Variants in GPR179 observed in about 807,000 individuals in gnomAD.
GPR179 encodes the protein probable G protein-coupled receptor 179.
A neutral mutation model predicts 70.8 loss-of-function variants in GPR179; 52 were observed. That is an observed-to-expected ratio of 0.73 (90% CI 0.59 to 0.93). The LOEUF (loss-of-function observed/expected upper bound fraction) is 0.93. GPR179 is among the 40% of genes least tolerant of loss of function. GPR179 has a pLI of 0.00. For synonymous variants in GPR179, 1,123 were observed against 1,169.0 expected (o/e 0.96, Z 0.80); for missense variants, 2,734 against 2,966.8 (o/e 0.92, Z 1.82).
chr17:38,343,426 T>C lies in GPR179; in HGVS notation c.364A>G (p.Ser122Gly), dbSNP rs745730100. The change falls in exon 1 of 11, where the codon AGT (serine) becomes GGT (glycine). Residue 122 changes from serine to glycine, a missense_variant. Ser to Gly is a moderately conservative substitution (Grantham distance 56). Coordinates refer to ENST00000616987, the MANE Select transcript of GPR179 (RefSeq NM_001004334.4). The surrounding 1 kb of genome is among the most constrained non-coding windows in gnomAD (Gnocchi z 4.2). Reference sequence around the variant, plus strand: ...TACCATTCCACATCCTCCTCCACACTGGACTCACGGATGTCGTTGGCTTGC... The same window carrying C: ...TACCATTCCACATCCTCCTCCACACCGGACTCACGGATGTCGTTGGCTTGC... ...LLQANDIRES[S>G]VEEDVEWYQA... 1 of 1,614,128 alleles carries C rather than the reference T, an allele frequency of 6.2e-7. No homozygotes were observed. The highest frequency in any genetic ancestry group is 1.1e-5 in the South Asian group (1 of 91,080).
At position 38,343,677 on chromosome 17, in the gene GPR179, A is replaced by T; in HGVS notation, c.113T>A (p.Leu38Gln). The change falls in exon 1 of 11, where the codon CTG (leucine) becomes CAG (glutamine). Residue 38 changes from leucine to glutamine, a missense_variant. Leu to Gln is a moderately radical substitution (Grantham distance 113, BLOSUM62 -2). Coordinates refer to ENST00000616987, the MANE Select transcript of GPR179 (RefSeq NM_001004334.4). The surrounding 1 kb of genome is among the most constrained non-coding windows in gnomAD (Gnocchi z 4.2). ...GPRPIRSLPP[L>Q]SSQVKPGSVP... ...AGATCCTGGCTTGACTTGGGAAGACAGAGGGGGCAGAGAGCGGATGGGCCG... is the reference window on the plus strand; with the variant it reads ...AGATCCTGGCTTGACTTGGGAAGACTGAGGGGGCAGAGAGCGGATGGGCCG... 2 of 1,610,666 alleles carry T rather than the reference A, an allele frequency of 1.2e-6. No homozygotes were observed. Among genetic ancestry groups the T allele is most frequent in the Non-Finnish European group, 1.7e-6 (2 of 1,177,738 alleles).
Position 38,337,004 on chromosome 17 carries a change from C to T in GPR179, c.1201G>A (p.Val401Ile). 1 of 1,605,132 alleles carries T rather than the reference C, an allele frequency of 6.2e-7. No individual in the cohort carries two copies. The change falls in exon 4 of 11, where the codon GTC (valine) becomes ATC (isoleucine). Residue 401 changes from valine to isoleucine, a missense_variant. Val to Ile is a conservative substitution (Grantham distance 29). Coordinates refer to ENST00000616987, the MANE Select transcript of GPR179 (RefSeq NM_001004334.4). ...CMLAIFLSML[V>I]SYRCRRNKRI... ...TTGTTCCGGCGGCAGCGGTAGGAGA[C>T]CAGCATGCTCAGGAAGATGGCCAGC... is the stretch of plus-strand genomic sequence containing the variant.
intron 1 of GPR179, 100 bp downstream of exon 1, chr17:38,342,896 C>A: frequency 8.6e-7 from 1 of 1,162,324 alleles, no homozygotes; most frequent in Non-Finnish European, 1.2e-6. Context: ...CCCAGGCATG[C>A]ACATGTTCGT....
chr17:38,327,390 T>C lies in GPR179; in HGVS notation c.6179A>G (p.Gln2060Arg). The change falls in exon 11 of 11, where the codon CAG becomes CGG. Residue 2060 changes from glutamine (Q) to arginine (R), a missense_variant. By Grantham distance (43) the Gln-to-Arg change is conservative. Transcript: ENST00000616987. ...EKSEPKGVPV[Q>R]KKPEMADFRQ... ...GAAGTCTGCCATCTCTGGCTTTTTC[T>C]GAACTGGCACACCTTTTGGCTCTGA... 6.2e-7 allele frequency: 1 copy of C among 1,614,244 alleles called. No homozygotes were observed. Among genetic ancestry groups the C allele is most frequent in the Non-Finnish European group, 8.5e-7 (1 of 1,180,052 alleles).
Position 38,333,433 on chromosome 17 carries a change from C to G in GPR179, c.1891-36G>C. On this transcript the variant is annotated intron_variant, in intron 9 of 10. Coordinates refer to ENST00000616987, the MANE Select transcript of GPR179 (RefSeq NM_001004334.4). ...TGCATAAGAGTGGGAAAAAGACTCGCCCTGGCTCCTTGTCCACTCCTGCAC... is the reference window on the plus strand; with the variant it reads ...TGCATAAGAGTGGGAAAAAGACTCGGCCTGGCTCCTTGTCCACTCCTGCAC... The G allele has an allele frequency of 5.0e-6, 8 of 1,599,012 alleles. 1 individual carries two copies. The South Asian group carries it at 9.0e-5, about 18-fold the overall frequency.
In GPR179 at chr17:38,325,994, G is replaced by A. The variant is rs770903797; in HGVS notation, c.*471C>T. The A allele has an allele frequency of 6.3e-6, 1 of 157,596 alleles. No homozygotes were observed. Among genetic ancestry groups the A allele is most frequent in the Non-Finnish European group, 1.4e-5 (1 of 72,058 alleles). 9.8% of individuals were successfully genotyped at this position (157,596 alleles called of 1,614,324 possible). On this transcript the variant is annotated 3_prime_UTR_variant, in exon 11 of 11. Coordinates refer to ENST00000616987, the MANE Select transcript of GPR179 (RefSeq NM_001004334.4). The stretch of plus-strand genomic sequence containing the variant: ...TCTATGGTGGCCTTTATAGCCTTCT[G>A]TGGTCCACCATCCCTACGTTGCCAA...
At chr17:38,337,766 T>C (rs1164566951) in intron 2 of GPR179, 46 bp from the exon 3 acceptor site, 2 of 1,532,624 alleles carry the variant, frequency 1.3e-6, no homozygotes, top group Non-Finnish European at 1.8e-6. Context: ...GGGCTTTCTC[T>C]GGAAGAGCTT....
chr17:38,331,582 C>A, intron 10 of GPR179, 51 bp from the exon 11 acceptor site: 1 of 1,543,906 alleles, frequency 6.5e-7, no homozygotes, highest in Non-Finnish European at 8.7e-7. Context: ...TCTCTCCATC[C>A]CCTGGCTGTC....
chr17:38,326,344 C>CAGAA lies in GPR179; in HGVS notation c.*120_*121insTTCT, dbSNP rs1376839276. On this transcript the variant is annotated 3_prime_UTR_variant, in exon 11 of 11. Transcript: ENST00000616987. The stretch of plus-strand genomic sequence containing the variant: ...TCTTTGGGATGGGTTGACTTCTGGT[C>CAGAA]TTCTCAAGGAGGGGAAGTGGCCAAG... 7 of 711,564 alleles carry CAGAA rather than the reference C, an allele frequency of 9.8e-6. No individual in the cohort carries two copies. Among genetic ancestry groups the CAGAA allele is most frequent in the Non-Finnish European group, 1.6e-5 (7 of 428,072 alleles). 44.1% of individuals were successfully genotyped at this position (711,564 alleles called of 1,614,324 possible).
rs370352192 is a variant in GPR179 at position 38,335,604 on chromosome 17, G to A, written c.1393C>T (p.Leu465Phe). Residue 465 changes from leucine (L) to phenylalanine (F), a missense_variant, in exon 6 of 11, where the codon CTC becomes TTC. Transcript: ENST00000616987. ...CCCAGGCCGTACCTGTAAAGCTTGA[G>A]TATGATGGTGCCGTAGACGATGGCA... is the stretch of plus-strand genomic sequence containing the variant. ...GFAIVYGTII[L>F]KLYRVLQLFL... 1 of 1,612,196 alleles carries A rather than the reference G, an allele frequency of 6.2e-7. No homozygotes were observed. The highest frequency in any genetic ancestry group is 8.5e-7 in the Non-Finnish European group (1 of 1,178,332).
chr17:38,334,988 G>A lies in GPR179; in HGVS notation c.1645+45C>T. On this transcript the variant is annotated intron_variant, in intron 7 of 10. Coordinates refer to ENST00000616987, the MANE Select transcript of GPR179 (RefSeq NM_001004334.4). This position sits in a 1 kb window ranked among gnomAD's most constrained non-coding sequence, Gnocchi z 4.7. The stretch of plus-strand genomic sequence containing the variant: ...GAACAAGAGGAACCCTGGAGGCACA[G>A]AGGCAGGGACCAGCGTAAGGCTGGG... 1 of 1,584,926 alleles carries A rather than the reference G, an allele frequency of 6.3e-7. No homozygotes were observed. The highest frequency in any genetic ancestry group is 8.6e-7 in the Non-Finnish European group (1 of 1,156,832).
In GPR179 at chr17:38,334,383, AG is replaced by A. The variant is rs1421706681; in HGVS notation, c.1784+320del. ...CTGCTGCTCTTATGGCTGAGGAGTG[AG>A]GGGAGAAGGCAGGGAGGACTGAGCA... On this transcript the variant is annotated intron_variant, in intron 8 of 10. Coordinates refer to ENST00000616987, the MANE Select transcript of GPR179 (RefSeq NM_001004334.4). The surrounding 1 kb of genome is among the most constrained non-coding windows in gnomAD (Gnocchi z 4.7). Among the ~76,000 whole-genome samples, 4 of 152,104 alleles carry A rather than the reference AG, an allele frequency of 2.6e-5. No individual in the cohort carries two copies. Among genetic ancestry groups the A allele is most frequent in the African/African-American group, 9.7e-5 (4 of 41,410 alleles).
rs2144257573 is a variant in GPR179 at position 38,328,512 on chromosome 17, G to A, written c.5057C>T (p.Ala1686Val). The change falls in exon 11 of 11, where the codon GCC becomes GTC. Residue 1686 changes from alanine to valine, a missense_variant. By Grantham distance (64) the Ala-to-Val change is moderately conservative. Coordinates refer to ENST00000616987, the MANE Select transcript of GPR179 (RefSeq NM_001004334.4). ...CTCCACATCCAAAGGGCAAATGTCGGCAGCTTTGCTTCCCACACTGCCTGA... is the reference window on the plus strand; with the variant it reads ...CTCCACATCCAAAGGGCAAATGTCGACAGCTTTGCTTCCCACACTGCCTGA... ...QMSGSVGSKA[A>V]DICPLDVEEN... The A allele has an allele frequency of 6.2e-7, 1 of 1,613,810 alleles. No homozygotes were observed. The highest frequency in any genetic ancestry group is 8.5e-7 in the Non-Finnish European group (1 of 1,179,956).
Position 38,329,659 on chromosome 17 carries a change from G to T in GPR179, c.3910C>A (p.Pro1304Thr), listed in dbSNP as rs200579422. 1 of 1,614,166 alleles carries T rather than the reference G, an allele frequency of 6.2e-7. No homozygotes were observed. The highest frequency in any genetic ancestry group is 1.3e-5 in the African/African-American group (1 of 75,058). The change falls in exon 11 of 11, where the codon CCC becomes ACC. Residue 1304 changes from proline (P) to threonine (T), a missense_variant. Coordinates refer to ENST00000616987, the MANE Select transcript of GPR179 (RefSeq NM_001004334.4). Reference sequence around the variant, plus strand: ...CTCTCTGGCTTTTTCCGCATCATGGGAACCACATCTATGGGCTCTGATTTT... The same window carrying T: ...CTCTCTGGCTTTTTCCGCATCATGGTAACCACATCTATGGGCTCTGATTTT... ...RGKSEPIDVV[P>T]MMRKKPERLV...
Position 38,327,691 on chromosome 17 carries a change from A to T in GPR179, c.5878T>A (p.Trp1960Arg). Residue 1960 changes from tryptophan (W) to arginine (R), a missense_variant, in exon 11 of 11, where the codon TGG becomes AGG. Trp to Arg is a moderately radical substitution (Grantham distance 101). Transcript: ENST00000616987. ...GAATCTGCTGGGGCAGTGGTCTCCC[A>T]TGGACAGACGGATTGTAGCTCATGG... ...TSHELQSVCP[W>R]ETTAPADSVS... 1.9e-6 allele frequency: 3 copies of T among 1,614,214 alleles called. No homozygotes were observed. The highest frequency in any genetic ancestry group is 2.5e-6 in the Non-Finnish European group (3 of 1,180,034).
At chr17:38,336,295 G>C (rs574442211) in intron 4 of GPR179, 151 bp from the exon 5 acceptor site, 1 of 667,120 alleles carries the variant, frequency 1.5e-6, no homozygotes, top group African/African-American at 1.8e-5. Context: ...CACGTCCCTT[G>C]TTACCCCAGG....
Position 38,334,594 on chromosome 17 carries a change from G to A in GPR179, c.1784+110C>T. The A allele has an allele frequency of 8.2e-7, 1 of 1,223,558 alleles. No individual in the cohort carries two copies. The allele number at this position is 1,223,558 out of a possible 1,614,324, so 75.8% of individuals were successfully genotyped here. The stretch of plus-strand genomic sequence containing the variant: ...AAGTGGGGGCCTTCGTCAACGTGCT[G>A]AGGCGTAGCAGTGTTGCCAGGATGG... On this transcript the variant is annotated intron_variant, in intron 8 of 10. Transcript: ENST00000616987. The surrounding 1 kb of genome is among the most constrained non-coding windows in gnomAD (Gnocchi z 4.7).
rs906280447 is a variant in GPR179, at chr17:38,325,390, G to C, written c.*1075C>G. Reference sequence around the variant, plus strand: ...TAGAGTGCTGGCTGTGTACAGGACTGCCTTTCTTGAGCTCCTCTGGAAGGA... The same window carrying C: ...TAGAGTGCTGGCTGTGTACAGGACTCCCTTTCTTGAGCTCCTCTGGAAGGA... On this transcript the variant is annotated 3_prime_UTR_variant, in exon 11 of 11. Transcript: ENST00000616987. 4.1e-5 allele frequency: 6 copies of C among 145,166 alleles called. No individual in the cohort carries two copies. The highest frequency in any genetic ancestry group is 1.5e-4 in the African/African-American group (6 of 39,200). The allele number at this position is 145,166 out of a possible 1,614,324, so 9.0% of individuals were successfully genotyped here. A position where few individuals can be genotyped will look rare whatever the true frequency, so the allele number is the denominator to read the frequency against.
rs778804552 is a variant in GPR179 at position 38,335,676 on chromosome 17, T to G, written c.1321A>C (p.Ser441Arg). Reference protein sequence around the residue: ...FPVFILYFKPSVFRCIALRWV... With the variant: ...FPVFILYFKPRVFRCIALRWV... The stretch of plus-strand genomic sequence containing the variant: ...CGAAGAGCGATGCAGCGGAATACAC[T>G]GGGCTTGAAGTATAGGATGAAGACC... The change falls in exon 6 of 11, where the codon AGT (serine) becomes CGT (arginine). Residue 441 changes from serine (S) to arginine (R), a missense_variant. Physicochemically the swap from Ser to Arg is moderately radical, Grantham distance 110. Coordinates refer to ENST00000616987, the MANE Select transcript of GPR179 (RefSeq NM_001004334.4). The G allele has an allele frequency of 8.1e-6, 13 of 1,613,858 alleles. No individual in the cohort carries two copies. Among genetic ancestry groups the G allele is most frequent in the Non-Finnish European group, 1.0e-5 (12 of 1,179,850 alleles).
Sources: allele counts gnomAD v4.1 joint callset (sites outside exome capture counted in the v4.1 genomes callset), GRCh38; gene constraint gnomAD v4.1.1; non-coding constraint Gnocchi (gnomAD v3.1); transcripts MANE v1.5; gene names NCBI Gene and HGNC (gene_info 2026-07-23, HGNC 2026-07-21).